The following PLEKHA1 variants were observed in gnomAD, a reference collection of about 807,000 sequenced individuals.
The protein encoded by PLEKHA1 is pleckstrin homology domain containing A1.
PLEKHA1 carries 34 observed loss-of-function variants against 52.0 expected under a neutral mutation model. The observed-to-expected ratio is 0.65, with a 90% confidence interval of 0.50 to 0.87. PLEKHA1 has a LOEUF of 0.87. PLEKHA1 is among the 40% of genes least tolerant of loss of function. PLEKHA1 has a pLI of 0.00. For synonymous variants in PLEKHA1, 163 were observed against 170.7 expected (o/e 0.95, Z 0.35); for missense variants, 497 against 504.2 (o/e 0.99, Z 0.14).
chr10:122,412,745 A>G, intron 5 of PLEKHA1, 175 bp from the exon 6 acceptor site: 1 of 640,638 alleles, frequency 1.6e-6, no homozygotes, highest in Non-Finnish European at 2.6e-6. Context: ...ATTATAAAAT[A>G]TTATTCTAAC....
At chr10:122,429,589 G>T (rs2097396778) in intron 11 of PLEKHA1, 35 bp from the exon 12 acceptor site, 1 of 1,594,414 alleles carries the variant, frequency 6.3e-7, no homozygotes, top group South Asian at 1.1e-5. Flanking sequence ...GGTCATGAGT[G>T]ACTGACCGTG....
chr10:122,377,431 C>A (rs2096553570), intron 1 of PLEKHA1, among the ~76,000 whole-genome samples: 1 of 151,976 alleles, frequency 6.6e-6, no homozygotes, highest in Non-Finnish European at 1.5e-5. Context: ...TGCAATGATA[C>A]AATAAAATGA....
rs1359251732 is a variant in PLEKHA1, at chr10:122,432,316, CT to C, written c.*2379del. On this transcript the variant is annotated 3_prime_UTR_variant, in exon 12 of 12. Coordinates refer to ENST00000368990, the MANE Select transcript of PLEKHA1 (RefSeq NM_001001974.4). ...CTTTATATGTCAAACTGGTTGAACACTGTAATGAGAATAAACTGCACAGAGT... is the reference window on the plus strand; with the variant it reads ...CTTTATATGTCAAACTGGTTGAACACGTAATGAGAATAAACTGCACAGAGT... 6.6e-6 allele frequency: 1 copy of C among 152,174 alleles called. No homozygotes were observed. The highest frequency in any genetic ancestry group is 1.5e-5 in the Non-Finnish European group (1 of 68,034). 9.4% of individuals were successfully genotyped at this position (152,174 alleles called of 1,614,324 possible). A position where few individuals can be genotyped will look rare whatever the true frequency, so the allele number is the denominator to read the frequency against.
intron 4 of PLEKHA1, among the ~76,000 whole-genome samples, chr10:122,401,346 T>A (rs1590556544): frequency 6.6e-6 from 1 of 152,192 alleles, no homozygotes; most frequent in Admixed American, 6.5e-5. Context: ...TTTTTTTGTA[T>A]GCATAGGAAA....
chr10:122,395,968 A>G (rs748084175), intron 2 of PLEKHA1, among the ~76,000 whole-genome samples: 2 of 152,114 alleles, frequency 1.3e-5, no homozygotes, highest in African/African-American at 2.4e-5. Context: ...TAAATGTTCT[A>G]TTAGTTTGTT....
At chr10:122,417,328 T>TA (rs1397504828) in intron 7 of PLEKHA1, among the ~76,000 whole-genome samples, 60 of 142,128 alleles carry the variant, frequency 4.2e-4, no homozygotes, top group South Asian at 4.5e-4. Flanking sequence ...GAAGTGCTTT[T>TA]AAAAAAAAAA....
intron 1 of PLEKHA1, among the ~76,000 whole-genome samples, chr10:122,380,012 G>A (rs1027054214): frequency 1.2e-4 from 19 of 152,180 alleles, no homozygotes; most frequent in Admixed American, 8.5e-4. Context: ...TGGGAGGCAT[G>A]TTAATAATAT....
intron 1 of PLEKHA1, among the ~76,000 whole-genome samples, chr10:122,383,028 A>G (rs952017582): frequency 6.6e-6 from 1 of 152,190 alleles, no homozygotes; most frequent in African/African-American, 2.4e-5. Flanking sequence ...CAGCCTCATC[A>G]GTATAGTGTG....
chr10:122,391,755 A>G (rs748401855), intron 1 of PLEKHA1, among the ~76,000 whole-genome samples: 1 of 152,028 alleles, frequency 6.6e-6, no homozygotes, highest in Non-Finnish European at 1.5e-5. Flanking sequence ...TTTTTTACAA[A>G]CATGGTAAAT....
chr10:122,425,073 T>C lies in PLEKHA1; in HGVS notation c.810+114T>C, dbSNP rs1484879163. ...CTTGAGGTTAAAAAAATATGACAAC[T>C]GTAATTCACCAGCTTAATAAAAGGG... On this transcript the variant is annotated intron_variant, in intron 10 of 11. Coordinates refer to ENST00000368990, the MANE Select transcript of PLEKHA1 (RefSeq NM_001001974.4). The C allele has an allele frequency of 3.5e-6, 3 of 868,598 alleles. No individual in the cohort carries two copies. The East Asian group carries it at 8.0e-5, about 23-fold the overall frequency. The allele number at this position is 868,598 out of a possible 1,614,324, so 53.8% of individuals were successfully genotyped here. A position where few individuals can be genotyped will look rare whatever the true frequency, so the allele number is the denominator to read the frequency against.
intron 3 of PLEKHA1, among the ~76,000 whole-genome samples, chr10:122,399,664 G>T (rs1225173943): frequency 6.6e-6 from 1 of 152,028 alleles, no homozygotes; most frequent in Non-Finnish European, 1.5e-5. Context: ...CTCACTGCAA[G>T]CTCCGTCCCC....
At chr10:122,405,355 T>C (rs564429858) in intron 4 of PLEKHA1, among the ~76,000 whole-genome samples, 1 of 152,106 alleles carries the variant, frequency 6.6e-6, no homozygotes, top group Admixed American at 6.6e-5. Context: ...ACAGACTGGG[T>C]AAAGTATTGG....
chr10:122,400,389 G>C lies in PLEKHA1; in HGVS notation c.244+1G>C. 1 of 1,605,534 alleles carries C rather than the reference G, an allele frequency of 6.2e-7. No homozygotes were observed. Among genetic ancestry groups the C allele is most frequent in the Non-Finnish European group, 8.5e-7 (1 of 1,177,036 alleles). On this transcript the variant is annotated splice_donor_variant, in intron 4 of 11. Coordinates refer to ENST00000368990, the MANE Select transcript of PLEKHA1 (RefSeq NM_001001974.4). LOFTEE classifies it high-confidence loss of function. ...AGGCCAAAGGCGGAGTTCTGTTTTG[G>C]TAAGTAGCCATGTTATATATATTTT...
At chr10:122,402,379 A>G (rs907158406) in intron 4 of PLEKHA1, among the ~76,000 whole-genome samples, 17 of 152,222 alleles carry the variant, frequency 1.1e-4, no homozygotes, top group African/African-American at 2.4e-4. Context: ...CTTTCATTCA[A>G]AGTGGCAACA....
At chr10:122,418,686 A>G (rs1467627835) in intron 8 of PLEKHA1, 1 of 152,226 alleles carries the variant, frequency 6.6e-6, no homozygotes, top group Non-Finnish European at 1.5e-5. Flanking sequence ...TCAGAAATTG[A>G]AATTCCCTCT....
At chr10:122,428,417 G>T in intron 11 of PLEKHA1, 1 of 1,459,792 alleles carries the variant, frequency 6.9e-7, no homozygotes, top group Non-Finnish European at 9.1e-7. Flanking sequence ...ACTGATCATA[G>T]AAAGTTGAGT....
intron 1 of PLEKHA1, among the ~76,000 whole-genome samples, chr10:122,379,740 G>A (rs543210650): frequency 6.6e-6 from 1 of 152,224 alleles, no homozygotes; most frequent in East Asian, 1.9e-4. Flanking sequence ...AGTGATTGTG[G>A]GGCAACAGGA....
rs1266156206 is a variant in PLEKHA1 at position 122,431,277 on chromosome 10, C to T, written c.*1339C>T. 6.6e-6 allele frequency: 1 copy of T among 152,330 alleles called. No individual in the cohort carries two copies. Among genetic ancestry groups the T allele is most frequent in the Non-Finnish European group, 1.5e-5 (1 of 68,086 alleles). The allele number at this position is 152,330 out of a possible 1,614,324, so 9.4% of individuals were successfully genotyped here. A position where few individuals can be genotyped will look rare whatever the true frequency, so the allele number is the denominator to read the frequency against. On this transcript the variant is annotated 3_prime_UTR_variant, in exon 12 of 12. Transcript: ENST00000368990. ...CTAGGATTACAGGTGCATGCCACCA[C>T]ACCTGGCTAATTTTTGTATTTTAGT...
chr10:122,411,429 A>G (rs947286813), intron 5 of PLEKHA1, among the ~76,000 whole-genome samples: 2 of 152,226 alleles, frequency 1.3e-5, no homozygotes, highest in Non-Finnish European at 2.9e-5. Flanking sequence ...TATTTTGCAG[A>G]AAGCTGCTTT....
Sources: gnomAD v4.1 joint callset for allele counts (sites outside exome capture counted in the v4.1 genomes callset) on GRCh38, gnomAD v4.1.1 for gene constraint, MANE v1.5 for transcripts, NCBI Gene and HGNC (gene_info 2026-07-23, HGNC 2026-07-21) for gene names.